The following RPS6KC1 variants were observed in gnomAD, a reference collection of about 807,000 sequenced individuals.
RPS6KC1 encodes the protein inactive ribosomal protein S6 kinase delta-1.
RPS6KC1 carries 54 observed loss-of-function variants against 103.8 expected under a neutral mutation model. The ratio of observed to expected loss-of-function variants is 0.52; its 90% CI spans 0.42 to 0.65. The LOEUF is 0.65. RPS6KC1 is among the 30% of genes least tolerant of loss of function. The probability of loss-of-function intolerance (pLI) is 0.00; values close to 1 mark genes in which losing one functional copy is unlikely to be tolerated. For missense variants in RPS6KC1, 1,151 were observed against 1,253.8 expected (o/e 0.92, Z 1.24); for synonymous variants, 439 against 438.7 (o/e 1.00, Z -0.01).
At chr1:213,747,205 T>C in the RPS6KC1 span, among the ~76,000 whole-genome samples, 1 of 152,042 alleles carries the variant, frequency 6.6e-6, no homozygotes, top group Admixed American at 6.6e-5. Flanking sequence ...AAGTAGGAGT[T>C]TGTAGAGTCC....
the RPS6KC1 span, among the ~76,000 whole-genome samples, chr1:213,362,986 C>T: frequency 1.3e-5 from 2 of 152,156 alleles, no homozygotes; most frequent in African/African-American, 4.8e-5. Context: ...TGATCAACTC[C>T]TTATAATCTC....
chr1:213,558,471 T>C, the RPS6KC1 span, among the ~76,000 whole-genome samples: 2 of 152,184 alleles, frequency 1.3e-5, no homozygotes, highest in African/African-American at 4.8e-5. Context: ...GAATGATCTC[T>C]ACATCCCTAG....
the RPS6KC1 span, among the ~76,000 whole-genome samples, chr1:213,711,998 C>G: frequency 6.6e-6 from 1 of 152,192 alleles, no homozygotes; most frequent in East Asian, 1.9e-4. Flanking sequence ...GGGTCAGGGA[C>G]CCACTTAAGG....
At chr1:213,729,668 G>A in the RPS6KC1 span, among the ~76,000 whole-genome samples, 1 of 152,220 alleles carries the variant, frequency 6.6e-6, no homozygotes, top group South Asian at 2.1e-4. Context: ...CTTCTGGGCC[G>A]TGATTCCTTT....
the RPS6KC1 span, among the ~76,000 whole-genome samples, chr1:213,571,837 C>T: frequency 6.6e-6 from 1 of 152,156 alleles, no homozygotes; most frequent in African/African-American, 2.4e-5. Context: ...ACCTTATGTG[C>T]ACCCAAGCTG....
At chr1:213,493,155 T>A in the RPS6KC1 span, among the ~76,000 whole-genome samples, 1 of 152,182 alleles carries the variant, frequency 6.6e-6, no homozygotes, top group South Asian at 2.1e-4. Context: ...CCATAAGGTT[T>A]GTATTTAAGT....
intron 14 of RPS6KC1, among the ~76,000 whole-genome samples, chr1:213,270,286 A>G (rs2095016813): frequency 6.6e-6 from 1 of 152,234 alleles, no homozygotes; most frequent in Non-Finnish European, 1.5e-5. Context: ...TTAACTCAGA[A>G]TAGCTCATAT....
chr1:213,303,342 A>G, the RPS6KC1 span, among the ~76,000 whole-genome samples: 2 of 152,058 alleles, frequency 1.3e-5, no homozygotes, highest in Non-Finnish European at 2.9e-5. Flanking sequence ...TCATCGTAGG[A>G]TTTTCCCATC....
chr1:213,108,711 A>C (rs960541177), intron 4 of RPS6KC1, among the ~76,000 whole-genome samples: 9 of 150,660 alleles, frequency 6.0e-5, no homozygotes, highest in African/African-American at 2.2e-4. Context: ...GCTGGGATGC[A>C]ATGGCACAAT....
chr1:213,557,737 T>C, the RPS6KC1 span, among the ~76,000 whole-genome samples: 1 of 152,176 alleles, frequency 6.6e-6, no homozygotes, highest in African/African-American at 2.4e-5. Flanking sequence ...TTAAGGTTAT[T>C]GTTGAGGATT....
chr1:213,832,213 T>C, the RPS6KC1 span, among the ~76,000 whole-genome samples: 1 of 152,216 alleles, frequency 6.6e-6, no homozygotes, highest in African/African-American at 2.4e-5. Context: ...GGTATTTGCC[T>C]AAGACCTTAA....
intron 12 of RPS6KC1, among the ~76,000 whole-genome samples, chr1:213,255,595 T>C (rs2094624827): frequency 6.6e-6 from 1 of 152,178 alleles, no homozygotes; most frequent in Non-Finnish European, 1.5e-5. Flanking sequence ...GCAAGTAAAG[T>C]AGTTTTGATA....
intron 3 of RPS6KC1, among the ~76,000 whole-genome samples, chr1:213,080,689 C>T (rs1012060727): frequency 7.9e-5 from 12 of 152,112 alleles, no homozygotes; most frequent in Non-Finnish European, 1.3e-4. Flanking sequence ...CTCAGCCCCC[C>T]GAGTAGCTGG....
rs563655161 is a variant in RPS6KC1 at position 213,177,806 on chromosome 1, A to T, written c.1044+1314A>T. 9.0e-4 allele frequency among the ~76,000 whole-genome samples: 137 copies of T among 152,180 alleles called. 1 individual carries two copies. The highest frequency in any genetic ancestry group is 3.3e-3 in the African/African-American group (136 of 41,520). On this transcript the variant is annotated intron_variant, in intron 8 of 14. Transcript: ENST00000366960. Reference sequence around the variant, plus strand: ...GTACAGTGTCTGCCCCCTCTCTTAGATCTATTTCTTTGACAAAGTATGGCC... The same window carrying T: ...GTACAGTGTCTGCCCCCTCTCTTAGTTCTATTTCTTTGACAAAGTATGGCC...
At chr1:213,722,482 C>T in the RPS6KC1 span, among the ~76,000 whole-genome samples, 3 of 152,202 alleles carry the variant, frequency 2.0e-5, no homozygotes, top group Non-Finnish European at 4.4e-5. Flanking sequence ...AGCCCTCAGA[C>T]TCTCCTCTCT....
At chr1:213,607,255 G>A in the RPS6KC1 span, among the ~76,000 whole-genome samples, 1 of 152,196 alleles carries the variant, frequency 6.6e-6, no homozygotes, top group Non-Finnish European at 1.5e-5. Flanking sequence ...GTGTTAGGGT[G>A]TGGCAATATT....
At chr1:213,244,643 C>G (rs909154114) in intron 12 of RPS6KC1, among the ~76,000 whole-genome samples, 3 of 152,076 alleles carry the variant, frequency 2.0e-5, no homozygotes, top group Non-Finnish European at 4.4e-5. Context: ...TGGAACAGAA[C>G]CATATTACAT....
At chr1:213,579,703 G>T in the RPS6KC1 span, among the ~76,000 whole-genome samples, 3 of 151,990 alleles carry the variant, frequency 2.0e-5, no homozygotes, top group Non-Finnish European at 1.5e-5. Context: ...AGTTGGAACT[G>T]ATGCTCATTT....
chr1:213,642,828 A>G, the RPS6KC1 span, among the ~76,000 whole-genome samples: 1 of 151,984 alleles, frequency 6.6e-6, no homozygotes, highest in Non-Finnish European at 1.5e-5. Flanking sequence ...TTATTTTCTT[A>G]CATTTAGAAA....
Sources: allele counts gnomAD v4.1 joint callset (sites outside exome capture counted in the v4.1 genomes callset), GRCh38; gene constraint gnomAD v4.1.1; transcripts MANE v1.5; gene names NCBI Gene and HGNC (gene_info 2026-07-23, HGNC 2026-07-21).